The following JAG1 variants were observed in gnomAD, a reference collection of about 807,000 sequenced individuals.
JAG1 encodes the protein protein jagged-1.
In JAG1, 23 loss-of-function variants were observed where a neutral mutation model predicts 148.7. The observed-to-expected ratio is 0.15, with a 90% CI of 0.11 to 0.22. JAG1 has a LOEUF of 0.22. JAG1 is among the 10% of genes least tolerant of loss of function. JAG1 has a pLI of 1.00. For missense variants in JAG1, 1,054 were observed against 1,611.2 expected (o/e 0.65, Z 5.92); for synonymous variants, 572 against 598.3 (o/e 0.96, Z 0.64).
rs727504412 is a variant in JAG1, at chr20:10,645,244, CACTG to C, written c.2122_2125del (p.Gln708ValfsTer34). The C allele has an allele frequency of 6.2e-7, 1 of 1,614,064 alleles. No individual in the cohort carries two copies. Among genetic ancestry groups the C allele is most frequent in the Non-Finnish European group, 8.5e-7 (1 of 1,179,878 alleles). On this transcript the variant is annotated frameshift_variant, in exon 17 of 26. Coordinates refer to ENST00000254958, the MANE Select transcript of JAG1 (RefSeq NM_000214.3). LOFTEE classifies it high-confidence loss of function. The surrounding 1 kb of genome is among the most constrained non-coding windows in gnomAD (Gnocchi z 6.1). Reference sequence around the variant, plus strand: ...ACCGTTGTTGCACGTGGCCTCATCACACTGACTGTCACCTGGAGGAAAATATTTC... The same window carrying C: ...ACCGTTGTTGCACGTGGCCTCATCACACTGTCACCTGGAGGAAAATATTTC...
rs1298272556 is a variant in JAG1, at chr20:10,672,903, C to G, written c.185G>C (p.Gly62Ala). 6.2e-7 allele frequency: 1 copy of G among 1,613,108 alleles called. No homozygotes were observed. The highest frequency in any genetic ancestry group is 1.7e-5 in the Admixed American group (1 of 60,012). Residue 62 changes from glycine (G) to alanine (A), a missense_variant, in exon 2 of 26, where the codon GGA becomes GCA. By Grantham distance (60) the Gly-to-Ala change is moderately conservative. Coordinates refer to ENST00000254958, the MANE Select transcript of JAG1 (RefSeq NM_000214.3). ...GNCCGGARNP[G>A]DRKCTRDECD... ...CTCGTCGCGGGTGCACTTGCGGTCT[C>G]CCGGGTTCCGGGCGCCGCCGCAGCA...
At position 10,650,365 on chromosome 20, in the gene JAG1, TCAA is replaced by T; in HGVS notation, c.1121-8_1121-6del. ...TAGGAGAACAGTCATCAATGTCTGG[TCAA>T]CAAGAAAAGGAGGGGGTTGACAATT... is the stretch of plus-strand genomic sequence containing the variant. On this transcript the variant is annotated splice_polypyrimidine_tract_variant and splice_region_variant and intron_variant, in intron 8 of 25. Coordinates refer to ENST00000254958, the MANE Select transcript of JAG1 (RefSeq NM_000214.3). The T allele has an allele frequency of 6.5e-7, 1 of 1,544,834 alleles. No individual in the cohort carries two copies. Among genetic ancestry groups the T allele is most frequent in the Non-Finnish European group, 8.9e-7 (1 of 1,117,426 alleles).
chr20:10,664,423 TCTAAG>T (rs1224495607), intron 2 of JAG1, among the ~76,000 whole-genome samples: 2 of 140,606 alleles, frequency 1.4e-5, no homozygotes, highest in African/African-American at 5.3e-5. Context: ...AAGAATTTAT[TCTAAG>T]CTAACCTAAC....
Position 10,645,134 on chromosome 20 carries a change from TAA to T in JAG1, c.2227+7_2227+8del. The T allele has an allele frequency of 2.5e-6, 4 of 1,609,646 alleles. No homozygotes were observed. The highest frequency in any genetic ancestry group is 3.4e-6 in the Non-Finnish European group (4 of 1,175,906). On this transcript the variant is annotated splice_region_variant and intron_variant, in intron 17 of 25. Coordinates refer to ENST00000254958, the MANE Select transcript of JAG1 (RefSeq NM_000214.3). The surrounding 1 kb of genome is among the most constrained non-coding windows in gnomAD (Gnocchi z 6.1). ...CCCACTGCAGATCCCACGTGGGGCA[TAA>T]AGTTACCTATGTTACAGGTTGTTCC...
intron 8 of JAG1, 165 bp from the exon 9 acceptor site, chr20:10,650,525 C>A (rs979315449): frequency 1.6e-6 from 1 of 620,214 alleles, no homozygotes; most frequent in African/African-American, 1.8e-5. Context: ...AAGGCCGAAG[C>A]CTTGATTTTA....
intron 2 of JAG1, 67 bp downstream of exon 2, chr20:10,672,634 G>A: frequency 6.7e-7 from 1 of 1,498,586 alleles, no homozygotes; most frequent in Non-Finnish European, 9.2e-7. Context: ...TCTCGCAAGG[G>A]ATAACAGGGC....
At chr20:10,640,756 C>T (rs770109739) in intron 25 of JAG1, 27 bp downstream of exon 25, 1 of 1,612,428 alleles carries the variant, frequency 6.2e-7, no homozygotes, top group African/African-American at 1.3e-5. Flanking sequence ...ACTATCATCA[C>T]ACAAACTAGT....
chr20:10,649,526 G>A lies in JAG1; in HGVS notation c.1344C>T (p.Asp448=), dbSNP rs754081766. 122 of 1,591,142 alleles carry A rather than the reference G, an allele frequency of 7.7e-5. No homozygotes were observed. Among genetic ancestry groups the A allele is most frequent in the Non-Finnish European group, 9.9e-5 (115 of 1,159,120 alleles). The change falls in exon 10 of 26, where the codon GAC becomes GAT. Residue 448 remains aspartate, a synonymous_variant. Coordinates refer to ENST00000254958, the MANE Select transcript of JAG1 (RefSeq NM_000214.3). ...CLPGWMGQNC[D]ININDCLGQC... Reference sequence around the variant, plus strand: ...AATGGAAACAAAGTCACTCACTTATGTCACAATTCTGACCCATCCAGCCGG... The same window carrying A: ...AATGGAAACAAAGTCACTCACTTATATCACAATTCTGACCCATCCAGCCGG...
At chr20:10,652,693 T>C in intron 5 of JAG1, 95 bp from the exon 6 acceptor site, 1 of 1,399,594 alleles carries the variant, frequency 7.1e-7, no homozygotes, top group South Asian at 1.2e-5. Flanking sequence ...AGGCTTTTTC[T>C]GTTTTGTTTC....
chr20:10,668,703 T>G (rs1228160709), intron 2 of JAG1, among the ~76,000 whole-genome samples: 1 of 151,978 alleles, frequency 6.6e-6, no homozygotes, highest in African/African-American at 2.4e-5. Flanking sequence ...TTTTTCTCCA[T>G]GCTAAACTTT....
chr20:10,643,082 G>A (rs1239436113), intron 20 of JAG1, among the ~76,000 whole-genome samples: 1 of 152,252 alleles, frequency 6.6e-6, no homozygotes, highest in Non-Finnish European at 1.5e-5. Context: ...GCCACAGTTT[G>A]CCAACTGTTT....
rs1310408466 is a variant in JAG1, at chr20:10,664,331, G to A, written c.388-317C>T. Among the ~76,000 whole-genome samples, 3 of 150,018 alleles carry A rather than the reference G, an allele frequency of 2.0e-5. No individual in the cohort carries two copies. The South Asian group carries it at 6.3e-4, about 32-fold the overall frequency. ...ATGATATGAGAGTATTTAGCATATA[G>A]TTTCCCAAAACTTTCCAGACCCTGA... On this transcript the variant is annotated intron_variant, in intron 2 of 25. Coordinates refer to ENST00000254958, the MANE Select transcript of JAG1 (RefSeq NM_000214.3).
In JAG1 at chr20:10,651,471, C is replaced by T. The variant is rs554341768; in HGVS notation, c.1120+110G>A. 5 of 714,102 alleles carry T rather than the reference C, an allele frequency of 7.0e-6. No homozygotes were observed. The African/African-American group carries it at 7.0e-5, about 10-fold the overall frequency. 44.2% of individuals were successfully genotyped at this position (714,102 alleles called of 1,614,324 possible). On this transcript the variant is annotated intron_variant, in intron 8 of 25. Coordinates refer to ENST00000254958, the MANE Select transcript of JAG1 (RefSeq NM_000214.3). ...CTTACCAGACTTAGGCCTGCACCCG[C>T]CCCTCTCTCACCGAGACATTCACAC...
chr20:10,663,872 G>T, intron 3 of JAG1, 91 bp downstream of exon 3: 1 of 978,214 alleles, frequency 1.0e-6, no homozygotes, highest in Non-Finnish European at 1.7e-6. Context: ...GAAATGCTAA[G>T]TACTAAGGAG....
Position 10,656,399 on chromosome 20 carries a change from T to C in JAG1, c.754A>G (p.Arg252Gly). The change falls in exon 5 of 26, where the codon AGG becomes GGG. Residue 252 changes from arginine to glycine, a missense_variant and splice_region_variant. Transcript: ENST00000254958. The part of the protein sequence containing the change: ...HGSCKLPGDC[R>G]CQYGWQGLYC... The stretch of plus-strand genomic sequence containing the variant: ...CTCACAAAAGACCAGTTGATTTACC[T>C]GCAGTCACCTGGGAGTTTGCAAGAC... 1 of 1,612,278 alleles carries C rather than the reference T, an allele frequency of 6.2e-7. No homozygotes were observed. The highest frequency in any genetic ancestry group is 8.5e-7 in the Non-Finnish European group (1 of 1,178,310).
At chr20:10,654,716 A>G (rs1353851616) in intron 5 of JAG1, among the ~76,000 whole-genome samples, 1 of 152,178 alleles carries the variant, frequency 6.6e-6, no homozygotes, top group East Asian at 1.9e-4. Context: ...GATGTGTGGG[A>G]AAGTCGCACC....
In JAG1 at chr20:10,645,349, C is replaced by T. The variant is rs753715300; in HGVS notation, c.2113+7G>A. The T allele has an allele frequency of 1.1e-5, 18 of 1,612,426 alleles. No individual in the cohort carries two copies. The highest frequency in any genetic ancestry group is 8.5e-7 in the Non-Finnish European group (1 of 1,178,568). ...AGAGATAGCATCCAAGGCCAACTAC[C>T]ACTTACGTGAGTGGCAGGTCTTTCC... is the stretch of plus-strand genomic sequence containing the variant. On this transcript the variant is annotated splice_region_variant and intron_variant, in intron 16 of 25. Transcript: ENST00000254958. This position sits in a 1 kb window ranked among gnomAD's most constrained non-coding sequence, Gnocchi z 6.1.
intron 13 of JAG1, chr20:10,647,406 C>T (rs1411808677): frequency 2.1e-6 from 1 of 480,372 alleles, no homozygotes; most frequent in East Asian, 4.2e-5. Flanking sequence ...CTTGCTAAGG[C>T]AAAAGGACCT....
At chr20:10,670,483 A>G (rs566733395) in intron 2 of JAG1, among the ~76,000 whole-genome samples, 1 of 152,326 alleles carries the variant, frequency 6.6e-6, no homozygotes, top group East Asian at 1.9e-4. Context: ...TGCCAAACTA[A>G]ATGAAGCTGT....
Sources: allele counts gnomAD v4.1 joint callset (sites outside exome capture counted in the v4.1 genomes callset), GRCh38; gene constraint gnomAD v4.1.1; non-coding constraint Gnocchi (gnomAD v3.1); transcripts MANE v1.5; gene names NCBI Gene and HGNC (gene_info 2026-07-23, HGNC 2026-07-21).